Variants in TREML4 observed in about 807,000 individuals in gnomAD.
The protein encoded by TREML4 is trem-like transcript 4 protein.
In TREML4, 25 loss-of-function variants were observed where a neutral mutation model predicts 25.4. The ratio of observed to expected loss-of-function variants is 0.98; its 90% CI spans 0.72 to 1.37. TREML4 has a LOEUF of 1.37. TREML4 is among the 40% of genes most tolerant of loss of function. The probability of loss-of-function intolerance (pLI) is 0.00; values close to 1 mark genes in which losing one functional copy is unlikely to be tolerated. For synonymous variants in TREML4, 92 were observed against 87.9 expected (o/e 1.05, Z -0.26); for missense variants, 268 against 236.5 (o/e 1.13, Z -0.87).
chr6:41,231,147 AT>A, intron 4 of TREML4: 1 of 416,586 alleles, frequency 2.4e-6, no homozygotes, highest in Non-Finnish European at 4.9e-6. Context: ...GAGTTGTATA[AT>A]TATTTCATTA....
chr6:41,234,041 A>G lies in TREML4; in HGVS notation c.507-2445A>G, dbSNP rs771299260. 3.4e-4 allele frequency among the ~76,000 whole-genome samples: 52 copies of G among 151,910 alleles called. 1 individual carries two copies. Among genetic ancestry groups the G allele is most frequent in the Non-Finnish European group, 6.9e-4 (47 of 67,856 alleles). On this transcript the variant is annotated intron_variant, in intron 4 of 5. Transcript: ENST00000341495. ...TACATAATAAAAACAGATAGTATAG[A>G]TTCTTTCAAATACATGAAATGTATT...
intron 1 of TREML4, 37 bp from the exon 2 acceptor site, chr6:41,228,677 C>T: frequency 6.3e-7 from 1 of 1,589,868 alleles, no homozygotes. Context: ...CTTCAGAGCT[C>T]TGACCTGGGT....
In TREML4 at chr6:41,237,115, C is replaced by T; in HGVS notation, c.*96C>T. 1 of 153,434 alleles carries T rather than the reference C, an allele frequency of 6.5e-6. No homozygotes were observed. Among genetic ancestry groups the T allele is most frequent in the Non-Finnish European group, 1.5e-5 (1 of 68,590 alleles). 9.5% of individuals were successfully genotyped at this position (153,434 alleles called of 1,614,324 possible). On this transcript the variant is annotated 3_prime_UTR_variant, in exon 6 of 6. Transcript: ENST00000341495. ...AGCCTTGTCCCAGGACCCTTGGGTG[C>T]ATGAGCCACAACATGGATCCTGGAT...
chr6:41,229,595 G>A (rs969278920), intron 3 of TREML4, 24 bp downstream of exon 3: 16 of 1,612,854 alleles, frequency 9.9e-6, no homozygotes, highest in Non-Finnish European at 1.3e-5. Flanking sequence ...CTCGGTGGGG[G>A]AAGATTAGAA....
At chr6:41,229,673 A>G (rs1377077684) in intron 3 of TREML4, 102 bp downstream of exon 3, 5 of 1,283,642 alleles carry the variant, frequency 3.9e-6, no homozygotes, top group Middle Eastern at 2.1e-4. Context: ...GCCTCTGAGG[A>G]CTGATCTCTT....
At chr6:41,234,463 T>C (rs1398779959) in intron 4 of TREML4, among the ~76,000 whole-genome samples, 1 of 151,896 alleles carries the variant, frequency 6.6e-6, no homozygotes, top group Non-Finnish European at 1.5e-5. Flanking sequence ...TCAAAGAAAT[T>C]CATAATTCAT....
intron 4 of TREML4, among the ~76,000 whole-genome samples, chr6:41,234,236 TTAAG>T (rs1348007556): frequency 6.6e-6 from 1 of 151,970 alleles, no homozygotes; most frequent in Non-Finnish European, 1.5e-5. Context: ...ATATGAATGT[TTAAG>T]TATGCAATAA....
chr6:41,234,822 C>T lies in TREML4; in HGVS notation c.507-1664C>T, dbSNP rs565417907. Among the ~76,000 whole-genome samples, 8 of 150,848 alleles carry T rather than the reference C, an allele frequency of 5.3e-5. No homozygotes were observed. The East Asian group carries it at 1.4e-3, about 25-fold the overall frequency. On this transcript the variant is annotated intron_variant, in intron 4 of 5. Transcript: ENST00000341495. ...TACATTTCATGATTTATATTTCATA[C>T]TAGATGTTGCAGAAAATAGAAAAGA...
chr6:41,228,754 C>A lies in TREML4; in HGVS notation c.104C>A (p.Thr35Asn), dbSNP rs141778511. 7.9e-4 allele frequency: 1,282 copies of A among 1,614,018 alleles called. 14 individuals are homozygous for A. The East Asian group carries it at 0.025, about 31-fold the overall frequency. The change falls in exon 2 of 6, where the codon ACC (threonine) becomes AAC (asparagine). Residue 35 changes from threonine to asparagine, a missense_variant. Coordinates refer to ENST00000341495, the MANE Select transcript of TREML4 (RefSeq NM_198153.3). ...GAACTTCACAAACACCCAGGACAGA[C>A]CCTCCTCCTGCAATGCCAGTACTCA... The part of the protein sequence containing the change: ...PEELHKHPGQ[T>N]LLLQCQYSPK...
Position 41,237,543 on chromosome 6 carries a change from T to G in TREML4, c.*524T>G, listed in dbSNP as rs1035495597. The G allele has an allele frequency of 6.6e-6, 1 of 152,204 alleles. No homozygotes were observed. The highest frequency in any genetic ancestry group is 6.5e-5 in the Admixed American group (1 of 15,276). 9.4% of individuals were successfully genotyped at this position (152,204 alleles called of 1,614,324 possible). A position where few individuals can be genotyped will look rare whatever the true frequency, so the allele number is the denominator to read the frequency against. On this transcript the variant is annotated 3_prime_UTR_variant, in exon 6 of 6. Transcript: ENST00000341495. ...GCTTAATTAAATTCAACCTCTGAAC[T>G]GAAATGTGTCAGGGGCAGCTGAGCA...
At chr6:41,230,366 T>C (rs899935542) in intron 4 of TREML4, among the ~76,000 whole-genome samples, 2 of 152,142 alleles carry the variant, frequency 1.3e-5, no homozygotes, top group South Asian at 4.1e-4. Context: ...ATTTCTGCAA[T>C]AAAACAAAAT....
At chr6:41,231,620 C>A (rs901562681) in intron 4 of TREML4, among the ~76,000 whole-genome samples, 1 of 152,070 alleles carries the variant, frequency 6.6e-6, no homozygotes, top group Admixed American at 6.5e-5. Context: ...AAAAAAGAGC[C>A]AAATGCTGAT....
intron 3 of TREML4, 131 bp from the exon 4 acceptor site, chr6:41,229,931 T>A (rs542048116): frequency 1.0e-4 from 77 of 768,758 alleles, no homozygotes; most frequent in African/African-American, 1.0e-3. Context: ...AGGCCTCAGT[T>A]ACCCTTAGCC....
chr6:41,231,839 A>T (rs1242351211), intron 4 of TREML4, among the ~76,000 whole-genome samples: 1 of 152,186 alleles, frequency 6.6e-6, no homozygotes, highest in Non-Finnish European at 1.5e-5. Context: ...GAGATAAAGG[A>T]TGAAAGAAAG....
intron 3 of TREML4, 123 bp downstream of exon 3, chr6:41,229,694 C>T (rs146245694): frequency 0.013 from 13,835 of 1,042,262 alleles, 405 homozygotes; most frequent in South Asian, 0.084. Context: ...GGGGCCTGGG[C>T]TTGTGGGAAG....
chr6:41,228,686 G>T, intron 1 of TREML4, 28 bp from the exon 2 acceptor site: 1 of 1,597,234 alleles, frequency 6.3e-7, no homozygotes, highest in South Asian at 1.1e-5. Flanking sequence ...TCTGACCTGG[G>T]TTTCTTTCTG....
chr6:41,236,966 G>A lies in TREML4; in HGVS notation c.*36-89G>A, dbSNP rs566752510. ...AGAAGGCGGGGGAGGGGCGGGAAGA[G>A]GAGTAACAGGTAACAGGGACAGGGT... On this transcript the variant is annotated intron_variant, in intron 5 of 5. Coordinates refer to ENST00000341495, the MANE Select transcript of TREML4 (RefSeq NM_198153.3). 9 of 179,306 alleles carry A rather than the reference G, an allele frequency of 5.0e-5. No homozygotes were observed. The East Asian group carries it at 1.5e-3, about 29-fold the overall frequency. The allele number at this position is 179,306 out of a possible 1,614,324, so 11.1% of individuals were successfully genotyped here.
At chr6:41,229,643 A>C in intron 3 of TREML4, 72 bp downstream of exon 3, 1 of 1,519,736 alleles carries the variant, frequency 6.6e-7, no homozygotes, top group Non-Finnish European at 9.1e-7. Flanking sequence ...GATTCAGGGA[A>C]GGGGAAACCA....
chr6:41,235,883 T>A (rs1396951828), intron 4 of TREML4, among the ~76,000 whole-genome samples: 4 of 152,184 alleles, frequency 2.6e-5, no homozygotes, highest in Non-Finnish European at 4.4e-5. Flanking sequence ...GACTTTATCA[T>A]ATATTATGTA....
Sources: allele counts gnomAD v4.1 joint callset (sites outside exome capture counted in the v4.1 genomes callset), GRCh38; gene constraint gnomAD v4.1.1; transcripts MANE v1.5; gene names NCBI Gene and HGNC (gene_info 2026-07-23, HGNC 2026-07-21).